The following COA1 variants were observed in gnomAD, a reference collection of about 807,000 sequenced individuals.
The protein encoded by COA1 is cytochrome c oxidase assembly factor 1.
A neutral mutation model predicts 16.0 loss-of-function variants in COA1; 13 were observed. That is an observed-to-expected ratio of 0.81 (90% CI 0.53 to 1.29). The LOEUF is 1.29. Ranked by LOEUF, COA1 falls within the 50% of genes most tolerant of loss-of-function variation. COA1 has a pLI of 0.00. For synonymous variants in COA1, 65 were observed against 65.7 expected (o/e 0.99, Z 0.05); for missense variants, 179 against 177.0 (o/e 1.01, Z -0.06).
At chr7:43,697,913 A>C (rs866950310) in intron 1 of COA1, among the ~76,000 whole-genome samples, 4 of 152,226 alleles carry the variant, frequency 2.6e-5, no homozygotes, top group African/African-American at 9.6e-5. Context: ...AGCATCTAAA[A>C]TCACCAGTTG....
intron 3 of COA1, chr7:43,645,705 G>C (rs936142304): frequency 8.4e-6 from 2 of 237,990 alleles, no homozygotes; most frequent in Non-Finnish European, 1.7e-5. Context: ...TAAGAGGTTT[G>C]GTCAGCTCTT....
At chr7:43,635,669 A>AT (rs1283592154), downstream of COA1, among the ~76,000 whole-genome samples, 2 of 148,182 alleles carry the variant, frequency 1.3e-5, no homozygotes, top group Admixed American at 1.3e-4. Context: ...GCACCAACCT[A>AT]TTTCGTGAAA....
At chr7:43,684,282 G>A (rs552367841) in intron 1 of COA1, among the ~76,000 whole-genome samples, 22 of 152,284 alleles carry the variant, frequency 1.4e-4, no homozygotes, top group Admixed American at 5.9e-4. Flanking sequence ...CAATATAGCT[G>A]CTGATCTAAC....
At chr7:43,617,217 G>A (rs1563160224) in intron 6 of COA1, among the ~76,000 whole-genome samples, 1 of 152,148 alleles carries the variant, frequency 6.6e-6, no homozygotes, top group Non-Finnish European at 1.5e-5. Context: ...CACACCATGC[G>A]AAGGAGTTTG....
intron 1 of COA1, chr7:43,650,346 A>C (rs562528639): frequency 9.8e-5 from 15 of 152,342 alleles, no homozygotes; most frequent in Admixed American, 9.1e-4. Context: ...TTATTTTTAT[A>C]CTTGCTCATT....
intron 1 of COA1, among the ~76,000 whole-genome samples, chr7:43,681,537 TC>T (rs1300990307): frequency 6.6e-6 from 1 of 152,190 alleles, no homozygotes; most frequent in African/African-American, 2.4e-5. Context: ...TCTTTCATAG[TC>T]CCCATGAAAA....
chr7:43,647,669 T>C, intron 2 of COA1, 35 bp from the exon 3 acceptor site: 1 of 1,546,042 alleles, frequency 6.5e-7, no homozygotes, highest in Non-Finnish European at 8.9e-7. Context: ...ATTGTAGGAT[T>C]CCCAGTTTTG....
At chr7:43,700,591 C>T (rs987207982) in intron 1 of COA1, among the ~76,000 whole-genome samples, 19 of 144,868 alleles carry the variant, frequency 1.3e-4, no homozygotes, top group African/African-American at 4.1e-4. Context: ...TGTATATATA[C>T]GTGTGTGTGT....
intron 6 of COA1, among the ~76,000 whole-genome samples, chr7:43,622,131 G>T (rs549282380): frequency 4.2e-4 from 64 of 152,278 alleles, no homozygotes; most frequent in Non-Finnish European, 6.3e-4. Context: ...GTAAGCTATT[G>T]GTATTTCCTG....
intron 1 of COA1, among the ~76,000 whole-genome samples, chr7:43,706,071 A>G (rs2094960733): frequency 6.6e-6 from 1 of 152,160 alleles, no homozygotes; most frequent in African/African-American, 2.4e-5. Context: ...CTGCCTCTAG[A>G]TAGCCATCTT....
At position 43,718,767 on chromosome 7, in the gene COA1, T is replaced by C. The variant is rs1288540540; in HGVS notation, c.-39+10662A>G. On this transcript the variant is annotated intron_variant, in intron 1 of 5. Coordinates refer to ENST00000223336, the MANE Select transcript of COA1 (RefSeq NM_018224.4). ...TTTATGAGGATTTAGAGGATAAATCTGATTGGTTCATAGTTTTTCCCTCTG... is the reference window on the plus strand; with the variant it reads ...TTTATGAGGATTTAGAGGATAAATCCGATTGGTTCATAGTTTTTCCCTCTG... Among the ~76,000 whole-genome samples the C allele has an allele frequency of 2.0e-5, 3 of 152,330 alleles. No individual in the cohort carries two copies. The East Asian group carries it at 5.8e-4, about 29-fold the overall frequency.
chr7:43,645,340 C>CG lies in COA1; in HGVS notation c.174dup (p.Glu59ArgfsTer28). The CG allele has an allele frequency of 6.2e-7, 1 of 1,613,948 alleles. No individual in the cohort carries two copies. Among genetic ancestry groups the CG allele is most frequent in the Non-Finnish European group, 8.5e-7 (1 of 1,179,858 alleles). ...GGAGGGCCCAGAGCTTCCTGTGCCT[C>CG]GGGATGGCTCTGCAGCTGCTCCACT... On this transcript the variant is annotated frameshift_variant, in exon 4 of 6. Coordinates refer to ENST00000223336, the MANE Select transcript of COA1 (RefSeq NM_018224.4). LOFTEE classifies it high-confidence loss of function.
intron 1 of COA1, among the ~76,000 whole-genome samples, chr7:43,717,318 C>T (rs1188783432): frequency 6.6e-6 from 1 of 152,178 alleles, no homozygotes; most frequent in African/African-American, 2.4e-5. Flanking sequence ...TGGAGCTACC[C>T]AAGACCATAG....
At chr7:43,701,295 G>T (rs778498360) in intron 1 of COA1, among the ~76,000 whole-genome samples, 1 of 152,106 alleles carries the variant, frequency 6.6e-6, no homozygotes. Context: ...CAGCCCCAGT[G>T]TCTGTTGTTC....
intron 1 of COA1, among the ~76,000 whole-genome samples, chr7:43,669,544 G>A (rs1321813087): frequency 6.6e-6 from 1 of 151,992 alleles, no homozygotes; most frequent in Admixed American, 6.6e-5. Context: ...TTTTCCGCGG[G>A]CTACGTGAGT....
intron 1 of COA1, among the ~76,000 whole-genome samples, chr7:43,709,262 G>A (rs866814932): frequency 2.0e-5 from 3 of 151,886 alleles, no homozygotes; most frequent in South Asian, 2.1e-4. Flanking sequence ...TCCTGACCTC[G>A]TTATCCACCT....
intron 1 of COA1, among the ~76,000 whole-genome samples, chr7:43,669,376 AG>A (rs1563318519): frequency 6.6e-6 from 1 of 152,158 alleles, no homozygotes. Context: ...ACAGGCCATT[AG>A]AAACTGGGTC....
chr7:43,698,674 T>C (rs1024127917), intron 1 of COA1, among the ~76,000 whole-genome samples: 5 of 152,246 alleles, frequency 3.3e-5, no homozygotes, highest in Non-Finnish European at 7.3e-5. Flanking sequence ...TAATCATTTG[T>C]ATAAATTGTT....
At chr7:43,612,872 C>T (rs2083002149) in intron 6 of COA1, among the ~76,000 whole-genome samples, 1 of 151,352 alleles carries the variant, frequency 6.6e-6, no homozygotes, top group South Asian at 2.1e-4. Flanking sequence ...TCCATACAGC[C>T]ACAAAAATAG....
Sources: gnomAD v4.1 joint callset for allele counts (sites outside exome capture counted in the v4.1 genomes callset) on GRCh38, gnomAD v4.1.1 for gene constraint, MANE v1.5 for transcripts, NCBI Gene and HGNC (gene_info 2026-07-23, HGNC 2026-07-21) for gene names.